APPL2: variants seen among roughly 807,000 people sequenced by gnomAD.
APPL2 encodes the protein DCC-interacting protein 13-beta.
Under a neutral mutation model 92.7 loss-of-function variants are expected in APPL2, and 84 were observed. The observed-to-expected ratio is 0.91, with a 90% confidence interval of 0.76 to 1.09. APPL2 has a LOEUF of 1.09. Among genes scored for constraint, APPL2 ranks in the 50% least tolerant of loss-of-function variants. The probability of loss-of-function intolerance (pLI) is 0.00; values close to 1 mark genes in which losing one functional copy is unlikely to be tolerated. For synonymous variants in APPL2, 291 were observed against 291.0 expected (o/e 1.00, Z 0.00); for missense variants, 736 against 824.5 (o/e 0.89, Z 1.31).
intron 14 of APPL2, among the ~76,000 whole-genome samples, chr12:105,192,505 G>C (rs867734872): frequency 3.6e-5 from 4 of 109,756 alleles, no homozygotes; most frequent in African/African-American, 1.4e-4. Flanking sequence ...CCACTGTCCC[G>C]TTACACTGCC....
chr12:105,227,346 A>C (rs192227680), intron 2 of APPL2, among the ~76,000 whole-genome samples: 1 of 152,136 alleles, frequency 6.6e-6, no homozygotes, highest in African/African-American at 2.4e-5. Context: ...GCCTATCTAT[A>C]TCTCCAGCCC....
chr12:105,220,982 C>T (rs1363768215), intron 2 of APPL2, among the ~76,000 whole-genome samples: 1 of 152,214 alleles, frequency 6.6e-6, no homozygotes, highest in Non-Finnish European at 1.5e-5. Flanking sequence ...TTCTGTGCAG[C>T]CAGTATGAGT....
At chr12:105,203,359 T>C (rs929472689) in intron 9 of APPL2, 1 of 260,222 alleles carries the variant, frequency 3.8e-6, no homozygotes, top group African/African-American at 2.2e-5. Context: ...CTGGTCAGAG[T>C]TTCCTGAAAA....
At chr12:105,178,046 C>G (rs531476203) in intron 17 of APPL2, among the ~76,000 whole-genome samples, 1 of 152,224 alleles carries the variant, frequency 6.6e-6, no homozygotes, top group Admixed American at 6.5e-5. Context: ...CTGCTTCAGT[C>G]TCCCAAAGTG....
Position 105,211,327 on chromosome 12 carries a change from A to C in APPL2, c.286-10T>G. On this transcript the variant is annotated splice_polypyrimidine_tract_variant and intron_variant, in intron 4 of 20. Coordinates refer to ENST00000258530, the MANE Select transcript of APPL2 (RefSeq NM_018171.5). ...TATGGAGAAGATTAAGCTGAAAGAA[A>C]GAGAATGGTATTCAAGTAAATTAAA... The C allele has an allele frequency of 1.3e-6, 2 of 1,579,572 alleles. No individual in the cohort carries two copies. Among genetic ancestry groups the C allele is most frequent in the Non-Finnish European group, 1.7e-6 (2 of 1,149,234 alleles).
chr12:105,233,862 G>A (rs1452633882), intron 1 of APPL2, among the ~76,000 whole-genome samples: 1 of 152,210 alleles, frequency 6.6e-6, no homozygotes, highest in East Asian at 1.9e-4. Context: ...AAAGCATTTA[G>A]AAGAGTCCCT....
At chr12:105,198,033 G>T (rs948096602) in intron 10 of APPL2, 80 bp from the exon 11 acceptor site, 10 of 1,369,848 alleles carry the variant, frequency 7.3e-6, no homozygotes, top group Non-Finnish European at 1.0e-5. Flanking sequence ...CTCGTTATGG[G>T]TACTGGTGGC....
chr12:105,180,772 T>C (rs7485364), intron 17 of APPL2, among the ~76,000 whole-genome samples: 25,884 of 152,176 alleles, frequency 0.17, 2,472 homozygotes, highest in East Asian at 0.25. Context: ...TTGTGTATTA[T>C]TGGTGTATAG....
At chr12:105,222,835 G>A (rs902474656) in intron 2 of APPL2, among the ~76,000 whole-genome samples, 1 of 152,218 alleles carries the variant, frequency 6.6e-6, no homozygotes, top group Non-Finnish European at 1.5e-5. Flanking sequence ...ATGGCACTTC[G>A]GCCAGGAAGG....
intron 8 of APPL2, 50 bp from the exon 9 acceptor site, chr12:105,203,835 G>A (rs1888457484): frequency 1.3e-6 from 2 of 1,537,784 alleles, no homozygotes; most frequent in Admixed American, 3.3e-5. Flanking sequence ...GAAGTGATCA[G>A]TGAACTCACT....
In APPL2 at chr12:105,177,350, A is replaced by G. The variant is rs1356298166; in HGVS notation, c.1635-88T>C. On this transcript the variant is annotated intron_variant, in intron 17 of 20. Coordinates refer to ENST00000258530, the MANE Select transcript of APPL2 (RefSeq NM_018171.5). ...TTTGTAGAAGTCCAGAATAAATACA[A>G]ATTCCCCGAAATAGAGATAAAGCCT... 5.2e-6 allele frequency: 7 copies of G among 1,352,490 alleles called. No homozygotes were observed. In the Admixed American group the frequency reaches 8.6e-5, roughly 17 times the overall value. The allele number at this position is 1,352,490 out of a possible 1,614,324, so 83.8% of individuals were successfully genotyped here.
chr12:105,207,270 G>C, intron 7 of APPL2, 63 bp from the exon 8 acceptor site: 8 of 1,496,728 alleles, frequency 5.3e-6, no homozygotes, highest in Non-Finnish European at 6.3e-6. Flanking sequence ...CTGTAAAAGC[G>C]TGTGCTTCAA....
chr12:105,202,036 G>A (rs1430206007), intron 9 of APPL2, among the ~76,000 whole-genome samples: 2 of 152,190 alleles, frequency 1.3e-5, no homozygotes, highest in Non-Finnish European at 2.9e-5. Flanking sequence ...ACCATCCCTT[G>A]GTTTGGAGAA....
chr12:105,181,063 G>T (rs183484563), intron 17 of APPL2, among the ~76,000 whole-genome samples: 19,874 of 152,132 alleles, frequency 0.13, 1,495 homozygotes, highest in African/African-American at 0.22. Context: ...AATGCTTCCA[G>T]TTTTTGCCCA....
At chr12:105,174,570 G>T in intron 20 of APPL2, 122 bp from the exon 21 acceptor site, 1 of 1,041,332 alleles carries the variant, frequency 9.6e-7, no homozygotes, top group Non-Finnish European at 1.3e-6. Context: ...TTGTGTATAT[G>T]TGCCTTCCGC....
intron 9 of APPL2, among the ~76,000 whole-genome samples, chr12:105,203,010 T>TACACACACACACACACAC (rs3838812): frequency 2.7e-5 from 4 of 145,998 alleles, no homozygotes; most frequent in East Asian, 4.0e-4. Context: ...ATTTGTCAAC[T>TACACACACACACACACAC]ACACACACAC....
At chr12:105,214,672 T>C (rs1238661756) in intron 4 of APPL2, among the ~76,000 whole-genome samples, 1 of 152,242 alleles carries the variant, frequency 6.6e-6, no homozygotes, top group Non-Finnish European at 1.5e-5. Context: ...TACTTGGTCT[T>C]TGACCCCAGT....
intron 2 of APPL2, 106 bp from the exon 3 acceptor site, chr12:105,217,831 A>G (rs1230269943): frequency 3.0e-6 from 3 of 991,304 alleles, no homozygotes; most frequent in Non-Finnish European, 4.7e-6. Flanking sequence ...GGCTGGGTCC[A>G]GTGGTGCACA....
intron 17 of APPL2, among the ~76,000 whole-genome samples, chr12:105,181,488 G>A (rs1030928861): frequency 1.3e-5 from 2 of 152,138 alleles, no homozygotes; most frequent in African/African-American, 4.8e-5. Flanking sequence ...ATGAGTTAGG[G>A]AGGAGTCCCT....
Sources: gnomAD v4.1 joint callset for allele counts (sites outside exome capture counted in the v4.1 genomes callset) on GRCh38, gnomAD v4.1.1 for gene constraint, MANE v1.5 for transcripts, NCBI Gene and HGNC (gene_info 2026-07-23, HGNC 2026-07-21) for gene names.